The following PHACTR1 variants were observed in gnomAD, a reference collection of about 807,000 sequenced individuals.
PHACTR1 encodes RPEL repeat containing 1.
A neutral mutation model predicts 69.2 loss-of-function variants in PHACTR1; 16 were observed. The ratio of observed to expected loss-of-function variants is 0.23; its 90% CI spans 0.16 to 0.35. PHACTR1 has a LOEUF of 0.35. PHACTR1 is among the 10% of genes least tolerant of loss of function. The probability of loss-of-function intolerance (pLI) is 1.00; values close to 1 mark genes in which losing one functional copy is unlikely to be tolerated. For synonymous variants in PHACTR1, 312 were observed against 284.5 expected, an observed-to-expected ratio of 1.10 and a Z score of -0.97; for missense variants, 510 against 734.7, an observed-to-expected ratio of 0.69 and a Z score of 3.54.
intron 6 of PHACTR1, among the ~76,000 whole-genome samples, chr6:13,174,912 A>G (rs1761115976): frequency 6.6e-6 from 1 of 152,212 alleles, no homozygotes; most frequent in African/African-American, 2.4e-5. Flanking sequence ...CCTGGCACAT[A>G]GTAAGTTCTC....
Position 13,056,139 on chromosome 6 carries a change from A to G in PHACTR1, c.415+2610A>G, listed in dbSNP as rs549904566. Among the ~76,000 whole-genome samples, 8 of 152,332 alleles carry G rather than the reference A, an allele frequency of 5.3e-5. No homozygotes were observed. The South Asian group carries it at 1.7e-3, about 32-fold the overall frequency. On this transcript the variant is annotated intron_variant, in intron 5 of 14. Transcript: ENST00000332995. Reference sequence around the variant, plus strand: ...TTTAAAAAAGTTGGCCAGGCACAGTAGCTCACTCTTGCAATCGCAACATTT... The same window carrying G: ...TTTAAAAAAGTTGGCCAGGCACAGTGGCTCACTCTTGCAATCGCAACATTT...
At chr6:13,236,925 G>A (rs1023537243) in intron 10 of PHACTR1, among the ~76,000 whole-genome samples, 10 of 152,178 alleles carry the variant, frequency 6.6e-5, no homozygotes, top group Non-Finnish European at 1.2e-4. Context: ...TGAATAGGGA[G>A]TGTTAGGAAC....
At chr6:12,857,648 A>G (rs1780533426) in intron 4 of PHACTR1, among the ~76,000 whole-genome samples, 1 of 151,358 alleles carries the variant, frequency 6.6e-6, no homozygotes, top group Non-Finnish European at 1.5e-5. Flanking sequence ...CTCATTGGTG[A>G]TGAAGACGAT....
chr6:12,813,825 C>T (rs1055238074), intron 4 of PHACTR1, among the ~76,000 whole-genome samples: 9 of 152,206 alleles, frequency 5.9e-5, no homozygotes, highest in African/African-American at 9.6e-5. Context: ...CTTGCCACTC[C>T]GAGTGTGGCC....
At position 13,283,668 on chromosome 6, in the gene PHACTR1, C is replaced by T. The variant is rs537180598; in HGVS notation, c.1650+106C>T. 29 of 1,544,946 alleles carry T rather than the reference C, an allele frequency of 1.9e-5. No individual in the cohort carries two copies. The highest frequency in any genetic ancestry group is 1.6e-4 in the South Asian group (14 of 88,764). ...GGGAGACCTGCAGCCAGGCCTCAGCCGCAGTCCCCATAATGGAGTGTTGAG... is the reference window on the plus strand; with the variant it reads ...GGGAGACCTGCAGCCAGGCCTCAGCTGCAGTCCCCATAATGGAGTGTTGAG... On this transcript the variant is annotated intron_variant, in intron 13 of 14. Transcript: ENST00000332995. The surrounding 1 kb of genome is among the most constrained non-coding windows in gnomAD (Gnocchi z 4.7).
intron 10 of PHACTR1, among the ~76,000 whole-genome samples, chr6:13,270,340 G>A (rs1476778433): frequency 1.3e-5 from 2 of 152,192 alleles, no homozygotes; most frequent in African/African-American, 4.8e-5. Context: ...CAACCTGGAA[G>A]CTCATCTAAT....
intron 7 of PHACTR1, among the ~76,000 whole-genome samples, chr6:13,203,185 C>T (rs1032423868): frequency 5.3e-5 from 8 of 152,200 alleles, no homozygotes; most frequent in Non-Finnish European, 1.5e-5. Context: ...CATCCCACAG[C>T]AGATCATCAT....
chr6:12,865,474 G>A (rs1014332476), intron 4 of PHACTR1, among the ~76,000 whole-genome samples: 6 of 152,006 alleles, frequency 3.9e-5, no homozygotes, highest in African/African-American at 1.5e-4. Flanking sequence ...GTGTGTGTGT[G>A]TGTGTGCCTG....
intron 4 of PHACTR1, among the ~76,000 whole-genome samples, chr6:12,959,202 A>AAAAAAAAAAAG (rs1562056492): frequency 8.7e-5 from 6 of 69,096 alleles, no homozygotes; most frequent in African/African-American, 5.3e-4. Context: ...AAAAGAAAAG[A>AAAAAAAAAAAG]AAAAAAAAAG....
intron 4 of PHACTR1, among the ~76,000 whole-genome samples, chr6:12,986,330 G>A (rs1265547623): frequency 6.6e-6 from 1 of 152,174 alleles, no homozygotes; most frequent in Non-Finnish European, 1.5e-5. Context: ...GTTGTGTATT[G>A]TGGAGCTGAA....
At position 13,286,341 on chromosome 6, in the gene PHACTR1, T is replaced by C. The variant is rs1027881557; in HGVS notation, c.1727+119T>C. The C allele has an allele frequency of 1.0e-5, 8 of 788,968 alleles. No homozygotes were observed. In the African/African-American group the frequency reaches 1.1e-4, roughly 11 times the overall value. 48.9% of individuals were successfully genotyped at this position (788,968 alleles called of 1,614,324 possible). ...TTGGAGGGTGCCATGAGAGGGAAGA[T>C]AGTAGGAAGGCAGGCATGCGGTTCC... On this transcript the variant is annotated intron_variant, in intron 14 of 14. Coordinates refer to ENST00000332995, the MANE Select transcript of PHACTR1 (RefSeq NM_030948.6).
At chr6:13,145,218 A>G (rs1211834870) in intron 5 of PHACTR1, among the ~76,000 whole-genome samples, 1 of 152,102 alleles carries the variant, frequency 6.6e-6, no homozygotes, top group Non-Finnish European at 1.5e-5. Context: ...ACCACCTGAA[A>G]TGACTCTTGA....
chr6:13,281,944 G>A lies in PHACTR1; in HGVS notation c.1510-1478G>A, dbSNP rs546175457. Among the ~76,000 whole-genome samples, 3 of 152,370 alleles carry A rather than the reference G, an allele frequency of 2.0e-5. No homozygotes were observed. The South Asian group carries it at 6.2e-4, about 32-fold the overall frequency. Reference sequence around the variant, plus strand: ...GGCGGCTGAGCCCCTGATCCCCAGAGCTTCCTGCCTTTGGCTGAGAGGGAG... The same window carrying A: ...GGCGGCTGAGCCCCTGATCCCCAGAACTTCCTGCCTTTGGCTGAGAGGGAG... On this transcript the variant is annotated intron_variant, in intron 12 of 14. Transcript: ENST00000332995.
intron 4 of PHACTR1, among the ~76,000 whole-genome samples, chr6:13,051,392 G>A (rs1456603286): frequency 6.6e-6 from 1 of 152,048 alleles, no homozygotes; most frequent in African/African-American, 2.4e-5. Flanking sequence ...AATTTTCCTT[G>A]TCCCTCTGCT....
At position 12,803,456 on chromosome 6, in the gene PHACTR1, G is replaced by C. The variant is rs1302314050; in HGVS notation, c.250+53666G>C. On this transcript the variant is annotated intron_variant, in intron 4 of 14. Transcript: ENST00000332995. Reference sequence around the variant, plus strand: ...CTACAGCAGATTGGGCCTCCCGAAAGGAAGAAGAGGAAATTAAGGGTCACA... The same window carrying C: ...CTACAGCAGATTGGGCCTCCCGAAACGAAGAAGAGGAAATTAAGGGTCACA... Among the ~76,000 whole-genome samples, 4 of 152,176 alleles carry C rather than the reference G, an allele frequency of 2.6e-5. No individual in the cohort carries two copies. In the East Asian group the frequency reaches 7.8e-4, roughly 29 times the overall value.
chr6:12,886,066 G>A (rs1475082959), intron 4 of PHACTR1, among the ~76,000 whole-genome samples: 3 of 152,168 alleles, frequency 2.0e-5, no homozygotes, highest in African/African-American at 7.2e-5. Context: ...TTCCACTCCA[G>A]CGTGGGTGAC....
chr6:12,742,866 A>G (rs1363068477), intron 3 of PHACTR1, among the ~76,000 whole-genome samples: 1 of 152,222 alleles, frequency 6.6e-6, no homozygotes, highest in Admixed American at 6.5e-5. Context: ...GATATCTGGA[A>G]GAATAATAAG....
chr6:12,977,043 G>A (rs1340781931), intron 4 of PHACTR1, among the ~76,000 whole-genome samples: 1 of 152,144 alleles, frequency 6.6e-6, no homozygotes, highest in Non-Finnish European at 1.5e-5. Flanking sequence ...TCGGCTCACT[G>A]CAACCTCTGC....
At chr6:12,748,732 A>G (rs1288623584) in intron 3 of PHACTR1, among the ~76,000 whole-genome samples, 1 of 152,206 alleles carries the variant, frequency 6.6e-6, no homozygotes, top group Non-Finnish European at 1.5e-5. Flanking sequence ...CCCAAACACT[A>G]TTATTTGTGA....
Sources: allele counts gnomAD v4.1 joint callset (sites outside exome capture counted in the v4.1 genomes callset), GRCh38; gene constraint gnomAD v4.1.1; non-coding constraint Gnocchi (gnomAD v3.1); transcripts MANE v1.5; gene names NCBI Gene and HGNC (gene_info 2026-07-23, HGNC 2026-07-21).